TRANK1: variants seen among roughly 807,000 people sequenced by gnomAD.
The protein encoded by TRANK1 is tetratricopeptide repeat and ankyrin repeat containing 1, also known as TPR and ankyrin repeat-containing protein 1.
TRANK1 carries 198 observed loss-of-function variants against 266.0 expected under a neutral mutation model. The observed-to-expected ratio is 0.74, with a 90% confidence interval of 0.66 to 0.84. TRANK1 has a LOEUF of 0.84. Among genes scored for constraint, TRANK1 ranks in the 40% least tolerant of loss-of-function variants. The pLI is 0.00. For synonymous variants in TRANK1, 1,396 were observed against 1,384.1 expected, an observed-to-expected ratio of 1.01 and a Z score of -0.19; for missense variants, 3,326 against 3,634.6, an observed-to-expected ratio of 0.92 and a Z score of 2.18.
chr3:36,937,092 G>A (rs181116965), intron 1 of TRANK1, among the ~76,000 whole-genome samples: 16 of 152,170 alleles, frequency 1.1e-4, no homozygotes, highest in South Asian at 8.3e-4. Context: ...GCTAGGTTCC[G>A]TCTCAAAAAA....
At position 36,892,876 on chromosome 3, in the gene TRANK1, TATATAG is replaced by T; in HGVS notation, c.636+19_636+24del. 4.5e-6 allele frequency: 4 copies of T among 897,296 alleles called. No individual in the cohort carries two copies. The highest frequency in any genetic ancestry group is 1.8e-5 in the African/African-American group (1 of 55,930). The allele number at this position is 897,296 out of a possible 1,614,324, so 55.6% of individuals were successfully genotyped here. A position where few individuals can be genotyped will look rare whatever the true frequency, so the allele number is the denominator to read the frequency against. ...ACATATATATATATATATATAGATA[TATATAG>T]ATATATATATCACCTTACCTCAAAG... On this transcript the variant is annotated intron_variant, in intron 6 of 23. Transcript: ENST00000645898.
At chr3:36,923,307 T>C (rs893549811) in intron 1 of TRANK1, among the ~76,000 whole-genome samples, 1 of 149,590 alleles carries the variant, frequency 6.7e-6, no homozygotes, top group South Asian at 2.1e-4. Flanking sequence ...GCAGGCTGGA[T>C]TGCAGTGATA....
chr3:36,835,046 G>T (rs139771301), intron 20 of TRANK1, 139 bp from the exon 21 acceptor site: 3 of 931,474 alleles, frequency 3.2e-6, no homozygotes, highest in Non-Finnish European at 4.5e-6. Flanking sequence ...TAGGCCGGGC[G>T]TGGTGGCTCA....
rs886465072 is a variant in TRANK1, at chr3:36,846,299, A to G, written c.5140T>C (p.Tyr1714His). The G allele has an allele frequency of 1.2e-6, 2 of 1,612,348 alleles. No homozygotes were observed. Among genetic ancestry groups the G allele is most frequent in the South Asian group, 1.1e-5 (1 of 90,624 alleles). The change falls in exon 17 of 24, where the codon TAT becomes CAT. Residue 1714 changes from tyrosine to histidine, a missense_variant. Physicochemically the swap from Tyr to His is moderately conservative, Grantham distance 83. Transcript: ENST00000645898. ...TGGACAAAATCTCTTCTAATGAAAT[A>G]TTTGAATGCGGGAGCCCGTTTCTCT... ...NREKRAPAFK[Y>H]FIRRDFVQVV...
intron 1 of TRANK1, among the ~76,000 whole-genome samples, chr3:36,912,719 A>G (rs1202258905): frequency 1.3e-5 from 2 of 152,200 alleles, no homozygotes; most frequent in African/African-American, 4.8e-5. Context: ...ACGTATACAC[A>G]TGAAGTTCTG....
rs1397985925 is a variant in TRANK1 at position 36,879,607 on chromosome 3, T to TAAATATAC, written c.908-5319_908-5312dup. Among the ~76,000 whole-genome samples, 8 of 106,794 alleles carry TAAATATAC rather than the reference T, an allele frequency of 7.5e-5. 1 individual carries two copies. Among genetic ancestry groups the TAAATATAC allele is most frequent in the Non-Finnish European group, 1.0e-4 (6 of 57,152 alleles). The allele number at this position is 106,794 out of a possible 152,430, so 70.1% of individuals were successfully genotyped here. ...AAATATACAAATATATAAATATATATAAATATACAAATATATATAAATATA... is the reference window on the plus strand; with the variant it reads ...AAATATACAAATATATAAATATATATAAATATACAAATATACAAATATATATAAATATA... On this transcript the variant is annotated intron_variant, in intron 8 of 23. Transcript: ENST00000645898.
chr3:36,881,674 G>A (rs1156694479), intron 8 of TRANK1, among the ~76,000 whole-genome samples: 1 of 152,116 alleles, frequency 6.6e-6, no homozygotes, highest in Non-Finnish European at 1.5e-5. Flanking sequence ...TTATGAAGTT[G>A]TACAACCATC....
At chr3:36,835,643 T>A (rs1297691635) in intron 20 of TRANK1, among the ~76,000 whole-genome samples, 4 of 152,032 alleles carry the variant, frequency 2.6e-5, no homozygotes, top group Non-Finnish European at 4.4e-5. Flanking sequence ...AAAAGACACA[T>A]GAAATAAGCT....
intron 1 of TRANK1, among the ~76,000 whole-genome samples, chr3:36,938,716 T>C (rs933580341): frequency 3.3e-5 from 5 of 151,986 alleles, no homozygotes; most frequent in Non-Finnish European, 5.9e-5. Flanking sequence ...CCCAGCACTC[T>C]GGGAGGCCGA....
At chr3:36,889,433 A>G (rs965244580) in intron 8 of TRANK1, among the ~76,000 whole-genome samples, 1 of 152,194 alleles carries the variant, frequency 6.6e-6, no homozygotes, top group Non-Finnish European at 1.5e-5. Context: ...GTTAGATTCT[A>G]AGTGCCATGA....
At position 36,892,862 on chromosome 3, in the gene TRANK1, T is replaced by TATAG. The variant is rs1553626395; in HGVS notation, c.636+38_636+39insCTAT. The TATAG allele has an allele frequency of 2.0e-4, 148 of 739,962 alleles. No individual in the cohort carries two copies. The African/African-American group carries it at 2.6e-3, about 13-fold the overall frequency. The allele number at this position is 739,962 out of a possible 1,614,324, so 45.8% of individuals were successfully genotyped here. ...CAAAACAAAACAAAACATATATATA[T>TATAG]ATATATATAGATATATATAGATATA... On this transcript the variant is annotated intron_variant, in intron 6 of 23. Transcript: ENST00000645898.
chr3:36,896,928 A>G (rs1559460438), intron 4 of TRANK1, among the ~76,000 whole-genome samples: 1 of 152,056 alleles, frequency 6.6e-6, no homozygotes, highest in Non-Finnish European at 1.5e-5. Context: ...CAGGAGTCGG[A>G]GGTTGCAGTG....
intron 1 of TRANK1, among the ~76,000 whole-genome samples, chr3:36,922,274 G>A (rs1232354949): frequency 6.6e-6 from 1 of 152,130 alleles, no homozygotes; most frequent in Non-Finnish European, 1.5e-5. Context: ...AACCACACAT[G>A]GCTATTTACA....
intron 2 of TRANK1, among the ~76,000 whole-genome samples, chr3:36,905,733 G>A (rs1375273947): frequency 1.3e-5 from 2 of 152,198 alleles, no homozygotes; most frequent in South Asian, 2.1e-4. Flanking sequence ...CAGCTCTGCA[G>A]TATGATTCAT....
intron 8 of TRANK1, among the ~76,000 whole-genome samples, chr3:36,887,269 CA>C (rs1034219782): frequency 1.3e-5 from 2 of 152,120 alleles, no homozygotes. Context: ...TATCAGTTCA[CA>C]AGAGCCAATT....
intron 14 of TRANK1, 112 bp from the exon 15 acceptor site, chr3:36,851,968 T>C (rs979572495): frequency 1.1e-5 from 16 of 1,436,768 alleles, no homozygotes; most frequent in South Asian, 3.0e-5. Context: ...AGCATAAACA[T>C]GGTCAGGCAG....
At chr3:36,924,715 AG>A (rs2080263724) in intron 1 of TRANK1, among the ~76,000 whole-genome samples, 1 of 152,180 alleles carries the variant, frequency 6.6e-6, no homozygotes, top group African/African-American at 2.4e-5. Flanking sequence ...ACACTCCTCC[AG>A]ATAACTGCCA....
chr3:36,865,940 A>AAGAGAGAGAG (rs200675682), intron 9 of TRANK1, among the ~76,000 whole-genome samples: 1 of 148,964 alleles, frequency 6.7e-6, no homozygotes, highest in East Asian at 2.0e-4. Context: ...AAAGAAAAAA[A>AAGAGAGAGAG]AGAGAGAGAG....
rs1559436122 is a variant in TRANK1 at position 36,860,983 on chromosome 3, A to T, written c.1418T>A (p.Ile473Asn). 2.6e-6 allele frequency: 4 copies of T among 1,537,674 alleles called. No individual in the cohort carries two copies. The highest frequency in any genetic ancestry group is 3.5e-6 in the Non-Finnish European group (4 of 1,147,054). ...GCTGAGATGGGGGATGATGGTACAG[A>T]TGTCGAGGTCTGAGAAGTTGCAGTC... Reference protein sequence around the residue: ...IKDCNFSDLDICTIIPHLSTW... With the variant: ...IKDCNFSDLDNCTIIPHLSTW... Residue 473 changes from isoleucine to asparagine, a missense_variant, in exon 11 of 24, where the codon ATC becomes AAC. Transcript: ENST00000645898.
Sources: allele counts gnomAD v4.1 joint callset (sites outside exome capture counted in the v4.1 genomes callset), GRCh38; gene constraint gnomAD v4.1.1; transcripts MANE v1.5; gene names NCBI Gene and HGNC (gene_info 2026-07-23, HGNC 2026-07-21).